PTPRD: variants seen among roughly 807,000 people sequenced by gnomAD.
PTPRD encodes receptor-type tyrosine-protein phosphatase delta.
PTPRD carries 34 observed loss-of-function variants against 214.5 expected under a neutral mutation model. The ratio of observed to expected loss-of-function variants is 0.16; its 90% CI spans 0.12 to 0.21. The LOEUF (loss-of-function observed/expected upper bound fraction) is 0.21, where lower values mean the gene tolerates loss of function less well. Ranked by LOEUF, PTPRD falls within the 10% of genes least tolerant of loss-of-function variation. PTPRD has a pLI of 1.00. For synonymous variants in PTPRD, 1,128 were observed against 845.7 expected (o/e 1.33, Z -5.79); for missense variants, 2,545 against 2,398.7 (o/e 1.06, Z -1.27).
chr9:10,103,512 G>C (rs1421437867), intron 3 of PTPRD, among the ~76,000 whole-genome samples: 2 of 150,842 alleles, frequency 1.3e-5, no homozygotes, highest in Non-Finnish European at 3.0e-5. Context: ...GAGCAAAATG[G>C]AAACTACCCA....
At chr9:9,035,800 T>C (rs10759031) in intron 10 of PTPRD, among the ~76,000 whole-genome samples, 22,814 of 152,070 alleles carry the variant, frequency 0.15, 2,124 homozygotes, top group East Asian at 0.4. Flanking sequence ...GTGGCTGTAA[T>C]GCACATGACA....
At chr9:9,707,958 A>T (rs2097656375) in intron 7 of PTPRD, among the ~76,000 whole-genome samples, 1 of 151,992 alleles carries the variant, frequency 6.6e-6, no homozygotes, top group Admixed American at 6.6e-5. Context: ...GCAGTAAGAA[A>T]TCTGATCACC....
chr9:9,177,445 TACTG>T (rs1440716173), intron 10 of PTPRD, among the ~76,000 whole-genome samples: 3 of 152,150 alleles, frequency 2.0e-5, no homozygotes, highest in African/African-American at 4.8e-5. Flanking sequence ...AACTGATAAG[TACTG>T]ACTAAAACTA....
chr9:9,231,710 A>C lies in PTPRD; in HGVS notation c.-202-48347T>G, dbSNP rs375670132. 9.2e-5 allele frequency among the ~76,000 whole-genome samples: 14 copies of C among 152,218 alleles called. No homozygotes were observed. In the East Asian group the frequency reaches 2.3e-3, roughly 25 times the overall value. Reference sequence around the variant, plus strand: ...AGTAACACACTTGAGATTTAAATGAATATCTAAGAAATGCTTCCTTTTTCT... The same window carrying C: ...AGTAACACACTTGAGATTTAAATGACTATCTAAGAAATGCTTCCTTTTTCT... On this transcript the variant is annotated intron_variant, in intron 9 of 45. Transcript: ENST00000381196.
In PTPRD at chr9:8,583,163, T is replaced by A. The variant is rs1276099275; in HGVS notation, c.352+50154A>T. ...CTCACATACACAGTTTACGATAGGTTTTGCACTCCTATGAGAATCTAACGC... is the reference window on the plus strand; with the variant it reads ...CTCACATACACAGTTTACGATAGGTATTGCACTCCTATGAGAATCTAACGC... On this transcript the variant is annotated intron_variant, in intron 14 of 45. Transcript: ENST00000381196. Among the ~76,000 whole-genome samples, 3 of 152,194 alleles carry A rather than the reference T, an allele frequency of 2.0e-5. No homozygotes were observed. The East Asian group carries it at 5.8e-4, about 29-fold the overall frequency.
chr9:9,486,346 T>C (rs2095637000), intron 8 of PTPRD, among the ~76,000 whole-genome samples: 2 of 151,988 alleles, frequency 1.3e-5, no homozygotes, highest in South Asian at 2.1e-4. Context: ...ATCACTTCCC[T>C]GCAAATACTA....
chr9:10,577,725 C>A (rs935555195), intron 2 of PTPRD, among the ~76,000 whole-genome samples: 7 of 152,116 alleles, frequency 4.6e-5, no homozygotes, highest in African/African-American at 1.7e-4. Flanking sequence ...AATTAAAAAT[C>A]AACATAGAAC....
intron 10 of PTPRD, among the ~76,000 whole-genome samples, chr9:9,073,061 A>G (rs866061616): frequency 2.8e-4 from 43 of 152,346 alleles, no homozygotes; most frequent in African/African-American, 8.9e-4. Context: ...GGTGAAACCA[A>G]TGGAAGAAAT....
chr9:9,652,084 G>A (rs1176141607), intron 7 of PTPRD, among the ~76,000 whole-genome samples: 1 of 151,796 alleles, frequency 6.6e-6, no homozygotes, highest in African/African-American at 2.4e-5. Context: ...CTCGTGATCC[G>A]CCTGCCTTGG....
intron 9 of PTPRD, among the ~76,000 whole-genome samples, chr9:9,342,707 CTT>C (rs34613569): frequency 2.8e-3 from 421 of 148,502 alleles, no homozygotes; most frequent in African/African-American, 8.4e-3. Flanking sequence ...ATATCTCTGA[CTT>C]TTTTTTTTTT....
At chr9:8,782,354 T>A (rs940521118) in intron 11 of PTPRD, among the ~76,000 whole-genome samples, 1 of 152,102 alleles carries the variant, frequency 6.6e-6, no homozygotes, top group Non-Finnish European at 1.5e-5. Context: ...ATGGTGAAAA[T>A]ATTCAAAATC....
At chr9:8,944,271 G>T (rs1041922098) in intron 11 of PTPRD, among the ~76,000 whole-genome samples, 2 of 152,092 alleles carry the variant, frequency 1.3e-5, no homozygotes, top group African/African-American at 4.8e-5. Flanking sequence ...GCGAGGATGT[G>T]GAGAAAGGGG....
At position 9,712,272 on chromosome 9, in the gene PTPRD, G is replaced by A. The variant is rs190699179; in HGVS notation, c.-287+22261C>T. ...ACATTTCTCATTTTTAAAAGAATTC[G>A]GTAATAACCATAAGCACAAAGAAAT... is the stretch of plus-strand genomic sequence containing the variant. On this transcript the variant is annotated intron_variant, in intron 7 of 45. Transcript: ENST00000381196. Among the ~76,000 whole-genome samples the A allele has an allele frequency of 2.4e-4, 37 of 151,952 alleles. 1 individual carries two copies. The highest frequency in any genetic ancestry group is 1.0e-3 in the South Asian group (5 of 4,812).
At chr9:10,136,185 A>G (rs143897780) in intron 3 of PTPRD, among the ~76,000 whole-genome samples, 1 of 152,028 alleles carries the variant, frequency 6.6e-6, no homozygotes, top group Non-Finnish European at 1.5e-5. Flanking sequence ...AGAACACCTA[A>G]TTATCCTAAA....
At chr9:8,713,803 C>T (rs2098398451) in intron 12 of PTPRD, 2 of 1,532,704 alleles carry the variant, frequency 1.3e-6, no homozygotes, top group African/African-American at 1.4e-5. Context: ...TCAGCACAAG[C>T]CACGATTCAC....
At chr9:8,878,528 T>G (rs917434789) in intron 11 of PTPRD, among the ~76,000 whole-genome samples, 6 of 152,092 alleles carry the variant, frequency 3.9e-5, no homozygotes, top group African/African-American at 1.4e-4. Flanking sequence ...TCTTTTCTTT[T>G]TTTTTTGTTT....
rs2131660519 is a variant in PTPRD, at chr9:8,331,754, C to A, written c.5380-18G>T. ...TGGCCGTCCTTTAGAAGGAAAGCCA[C>A]ATACCCGGCCGCAAAGGAAGACGCC... On this transcript the variant is annotated intron_variant, in intron 43 of 45. Coordinates refer to ENST00000381196, the MANE Select transcript of PTPRD (RefSeq NM_002839.4). 1 of 1,556,624 alleles carries A rather than the reference C, an allele frequency of 6.4e-7. No individual in the cohort carries two copies. Among genetic ancestry groups the A allele is most frequent in the Non-Finnish European group, 8.7e-7 (1 of 1,154,210 alleles).
At position 8,341,799 on chromosome 9, in the gene PTPRD, G is replaced by C. The variant is rs2132501391; in HGVS notation, c.4841C>G (p.Thr1614Ser). The change falls in exon 40 of 46, where the codon ACT becomes AGT. Residue 1614 changes from threonine to serine, a missense_variant. By Grantham distance (58) the Thr-to-Ser change is moderately conservative. Transcript: ENST00000381196. ...AGCTGGCACTTCGGTATTTCCACAA[G>C]TCACTGCTTCTAACAGTGCATCATG... is the stretch of plus-strand genomic sequence containing the variant. Reference protein sequence around the residue: ...FIHDALLEAVTCGNTEVPARN... With the variant: ...FIHDALLEAVSCGNTEVPARN... The C allele has an allele frequency of 1.2e-6, 2 of 1,613,548 alleles. No homozygotes were observed. The highest frequency in any genetic ancestry group is 1.7e-6 in the Non-Finnish European group (2 of 1,179,714).
intron 5 of PTPRD, among the ~76,000 whole-genome samples, chr9:9,850,958 A>G (rs2060445146): frequency 2.0e-5 from 3 of 152,156 alleles, no homozygotes; most frequent in African/African-American, 7.2e-5. Context: ...ACAAAGCTAC[A>G]ATGATTATCT....
Sources: allele counts gnomAD v4.1 joint callset (sites outside exome capture counted in the v4.1 genomes callset), GRCh38; gene constraint gnomAD v4.1.1; transcripts MANE v1.5; gene names NCBI Gene and HGNC (gene_info 2026-07-23, HGNC 2026-07-21).